The following GNAI1 variants were observed in gnomAD, a reference collection of about 807,000 sequenced individuals.
GNAI1 encodes the protein guanine nucleotide-binding protein G(i) subunit alpha-1.
Under a neutral mutation model 38.9 loss-of-function variants are expected in GNAI1, and 11 were observed. The ratio of observed to expected loss-of-function variants is 0.28; its 90% confidence interval spans 0.18 to 0.47. GNAI1 has a LOEUF of 0.47. GNAI1 is among the 20% of genes least tolerant of loss of function. The pLI is 0.99. For synonymous variants in GNAI1, 166 were observed against 145.1 expected (o/e 1.14, Z -1.04); for missense variants, 317 against 436.9 (o/e 0.73, Z 2.45).
rs57711391 is a variant in GNAI1 at position 80,199,134 on chromosome 7, C to CT, written c.304-80dup. The CT allele has an allele frequency of 9.2e-3, 7,156 of 776,944 alleles. 1 individual carries two copies. The highest frequency in any genetic ancestry group is 0.012 in the South Asian group (461 of 37,684). The allele number at this position is 776,944 out of a possible 1,614,324, so 48.1% of individuals were successfully genotyped here. A position where few individuals can be genotyped will look rare whatever the true frequency, so the allele number is the denominator to read the frequency against. On this transcript the variant is annotated intron_variant, in intron 3 of 7. Transcript: ENST00000649796. ...AAAAACAAAGGAAGTTCGCTATTGC[C>CT]TTTTTTTTTTTAACTCTAGAATTGT...
intron 7 of GNAI1, among the ~76,000 whole-genome samples, chr7:80,217,083 G>A (rs1788981214): frequency 1.3e-5 from 2 of 151,946 alleles, no homozygotes; most frequent in South Asian, 4.2e-4. Flanking sequence ...GAAATTTTTT[G>A]TTTAAGGGAT....
At chr7:80,189,929 G>A (rs184190957) in intron 3 of GNAI1, among the ~76,000 whole-genome samples, 6 of 151,618 alleles carry the variant, frequency 4.0e-5, no homozygotes, top group African/African-American at 1.5e-4. Flanking sequence ...AATCCGTAAG[G>A]CACCTTTGTT....
intron 1 of GNAI1, among the ~76,000 whole-genome samples, chr7:80,183,300 C>T (rs1319262681): frequency 6.6e-6 from 1 of 152,158 alleles, no homozygotes; most frequent in East Asian, 1.9e-4. Context: ...ACTTTATCTA[C>T]TTCTGTCTTA....
chr7:80,204,454 C>T (rs1025913643), intron 5 of GNAI1, among the ~76,000 whole-genome samples: 2 of 152,036 alleles, frequency 1.3e-5, no homozygotes, highest in African/African-American at 4.8e-5. Flanking sequence ...TTAAGATGAA[C>T]GAGGCTCAGG....
At chr7:80,210,695 A>G (rs1384024905) in intron 5 of GNAI1, among the ~76,000 whole-genome samples, 1 of 146,420 alleles carries the variant, frequency 6.8e-6, no homozygotes, top group African/African-American at 2.5e-5. Context: ...ATGTGTGTTA[A>G]TGTCTCGTTT....
chr7:80,147,137 G>A (rs551942845), intron 1 of GNAI1, among the ~76,000 whole-genome samples: 1 of 152,074 alleles, frequency 6.6e-6, no homozygotes, highest in South Asian at 2.1e-4. Flanking sequence ...GGCTGAAAGA[G>A]CCCCAATAAT....
intron 5 of GNAI1, among the ~76,000 whole-genome samples, chr7:80,210,626 G>A (rs1162164933): frequency 6.6e-6 from 1 of 151,886 alleles, no homozygotes; most frequent in Non-Finnish European, 1.5e-5. Context: ...TGACTTCTCA[G>A]TGTTTACACA....
chr7:80,218,373 A>G lies in GNAI1; in HGVS notation c.*880A>G, dbSNP rs1789010229. 6.6e-6 allele frequency: 1 copy of G among 152,036 alleles called. No homozygotes were observed. Among genetic ancestry groups the G allele is most frequent in the Non-Finnish European group, 1.5e-5 (1 of 67,964 alleles). The allele number at this position is 152,036 out of a possible 1,614,324, so 9.4% of individuals were successfully genotyped here. On this transcript the variant is annotated 3_prime_UTR_variant, in exon 8 of 8. Coordinates refer to ENST00000649796, the MANE Select transcript of GNAI1 (RefSeq NM_002069.6). ...CAAAGGTGATGTCATCTTAATTTTT[A>G]TTCACTTTAAATAACTACATTTTTG...
intron 7 of GNAI1, among the ~76,000 whole-genome samples, chr7:80,213,241 G>A (rs149316727): frequency 2.0e-3 from 298 of 152,286 alleles, no homozygotes; most frequent in African/African-American, 6.8e-3. Flanking sequence ...ACAGGCAATA[G>A]CAGTGCAACC....
intron 1 of GNAI1, among the ~76,000 whole-genome samples, chr7:80,172,936 G>A (rs188030572): frequency 6.6e-6 from 1 of 152,314 alleles, no homozygotes; most frequent in East Asian, 1.9e-4. Flanking sequence ...GACAGAGACT[G>A]CCAGTTATCC....
chr7:80,173,665 A>T (rs2115572380), intron 1 of GNAI1, among the ~76,000 whole-genome samples: 1 of 152,200 alleles, frequency 6.6e-6, no homozygotes, highest in Admixed American at 6.5e-5. Context: ...GATCGCATAG[A>T]TGTGATGTTC....
At chr7:80,191,719 A>T (rs1201646856) in intron 3 of GNAI1, among the ~76,000 whole-genome samples, 1 of 152,170 alleles carries the variant, frequency 6.6e-6, no homozygotes, top group African/African-American at 2.4e-5. Context: ...AAGAAGTCTG[A>T]ATATATTTCT....
intron 5 of GNAI1, among the ~76,000 whole-genome samples, chr7:80,206,331 C>A (rs1196735570): frequency 6.6e-6 from 1 of 151,658 alleles, no homozygotes; most frequent in Non-Finnish European, 1.5e-5. Context: ...GTTGCATATG[C>A]TTTTTTTTAT....
At chr7:80,191,739 A>C (rs1299653492) in intron 3 of GNAI1, among the ~76,000 whole-genome samples, 3 of 152,194 alleles carry the variant, frequency 2.0e-5, no homozygotes, top group African/African-American at 4.8e-5. Flanking sequence ...TATTTCTGGA[A>C]GTATTAACCC....
Position 80,224,177 on chromosome 7 carries a change from GCATA to G in GNAI1, c.*6693_*6696del, listed in dbSNP as rs1380586290. ...AGATACATAAATATATAGAGAAAAT[GCATA>G]CATACATAATTTATTGAGTGCCTAC... On this transcript the variant is annotated 3_prime_UTR_variant, in exon 8 of 8. Coordinates refer to ENST00000649796, the MANE Select transcript of GNAI1 (RefSeq NM_002069.6). Among the ~76,000 whole-genome samples, 1 of 152,158 alleles carries G rather than the reference GCATA, an allele frequency of 6.6e-6. No homozygotes were observed. The highest frequency in any genetic ancestry group is 1.5e-5 in the Non-Finnish European group (1 of 68,026).
At chr7:80,140,722 A>G (rs184069433) in intron 1 of GNAI1, among the ~76,000 whole-genome samples, 8 of 152,224 alleles carry the variant, frequency 5.3e-5, no homozygotes, top group African/African-American at 1.9e-4. Context: ...CGTAACGGAA[A>G]TAGGGCAAAA....
chr7:80,192,899 T>C (rs1270604375), intron 3 of GNAI1, among the ~76,000 whole-genome samples: 1 of 151,894 alleles, frequency 6.6e-6, no homozygotes, highest in African/African-American at 2.4e-5. Context: ...GGGTTTCACC[T>C]TGTTGGCCAG....
At chr7:80,191,344 T>A (rs762811348) in intron 3 of GNAI1, among the ~76,000 whole-genome samples, 14 of 152,020 alleles carry the variant, frequency 9.2e-5, no homozygotes, top group Non-Finnish European at 1.9e-4. Flanking sequence ...TGGACAAAAA[T>A]GGAAAAAGCG....
intron 1 of GNAI1, among the ~76,000 whole-genome samples, chr7:80,155,138 G>T (rs1223668500): frequency 1.3e-5 from 2 of 152,012 alleles, no homozygotes; most frequent in African/African-American, 4.8e-5. Flanking sequence ...CTCAATATGT[G>T]GGATTATGCA....
Sources: gnomAD v4.1 joint callset for allele counts (sites outside exome capture counted in the v4.1 genomes callset) on GRCh38, gnomAD v4.1.1 for gene constraint, MANE v1.5 for transcripts, NCBI Gene and HGNC (gene_info 2026-07-23, HGNC 2026-07-21) for gene names.